NPFFR1: variants seen among roughly 807,000 people sequenced by gnomAD.
NPFFR1 encodes G-protein coupled receptor 147.
In NPFFR1, 17 loss-of-function variants were observed where a neutral mutation model predicts 12.7. The ratio of observed to expected loss-of-function variants is 1.34; its 90% confidence interval spans 0.92 to 2.01. The LOEUF is 2.01. Ranked by LOEUF, NPFFR1 falls within the 30% of genes most tolerant of loss-of-function variation. The probability of loss-of-function intolerance (pLI) is 0.00; values close to 1 mark genes in which losing one functional copy is unlikely to be tolerated. For synonymous variants in NPFFR1, 296 were observed against 264.5 expected (o/e 1.12, Z -1.16); for missense variants, 604 against 606.5 (o/e 1.00, Z 0.04).
At chr10:70,282,520 A>G (rs1840874065) in intron 1 of NPFFR1, among the ~76,000 whole-genome samples, 2 of 152,150 alleles carry the variant, frequency 1.3e-5, no homozygotes, top group South Asian at 4.1e-4. Flanking sequence ...GTGCAGCCTC[A>G]CAAGATTTTC....
At chr10:70,276,524 G>A (rs1296536784) in intron 1 of NPFFR1, among the ~76,000 whole-genome samples, 25 of 151,246 alleles carry the variant, frequency 1.7e-4, no homozygotes, top group Admixed American at 7.9e-4. Context: ...AGTTATTAAC[G>A]AGAGAGCTAC....
rs1272203266 is a variant in NPFFR1 at position 70,248,478 on chromosome 10, GTTTTTTGTTTT to G, written c.*6468_*6478del. The stretch of plus-strand genomic sequence containing the variant: ...GTACTATGCCTGGCGTTTTTTTTTT[GTTTTTTGTTTT>G]TTTTTTTTTTTTTTGAGATGGAGTC... On this transcript the variant is annotated 3_prime_UTR_variant, in exon 4 of 4. Coordinates refer to ENST00000277942, the MANE Select transcript of NPFFR1 (RefSeq NM_022146.5). The G allele has an allele frequency of 5.4e-4, 33 of 60,608 alleles. No homozygotes were observed. The highest frequency in any genetic ancestry group is 1.7e-3 in the African/African-American group (30 of 18,026). 3.8% of individuals were successfully genotyped at this position (60,608 alleles called of 1,614,324 possible).
At chr10:70,277,107 A>T (rs531040339) in intron 1 of NPFFR1, among the ~76,000 whole-genome samples, 51 of 152,244 alleles carry the variant, frequency 3.3e-4, no homozygotes, top group Non-Finnish European at 6.3e-4. Context: ...ACAGATTGTC[A>T]TCAGACAGAT....
rs1490564029 is a variant in NPFFR1, at chr10:70,248,640, C to T, written c.*6317G>A. 6.6e-6 allele frequency: 1 copy of T among 151,872 alleles called. No homozygotes were observed. The highest frequency in any genetic ancestry group is 6.6e-5 in the Admixed American group (1 of 15,238). The allele number at this position is 151,872 out of a possible 1,614,324, so 9.4% of individuals were successfully genotyped here. A position where few individuals can be genotyped will look rare whatever the true frequency, so the allele number is the denominator to read the frequency against. ...AGCTGGGATTACAGGTGCCTGCCAT[C>T]ATGCTTGGCTAATTTTTGTATTTTT... On this transcript the variant is annotated 3_prime_UTR_variant, in exon 4 of 4. Transcript: ENST00000277942.
At position 70,255,910 on chromosome 10, in the gene NPFFR1, G is replaced by A; in HGVS notation, c.423-83C>T. The A allele has an allele frequency of 2.8e-6, 4 of 1,425,430 alleles. No individual in the cohort carries two copies. Among genetic ancestry groups the A allele is most frequent in the Non-Finnish European group, 3.8e-6 (4 of 1,053,790 alleles). 88.3% of individuals were successfully genotyped at this position (1,425,430 alleles called of 1,614,324 possible). On this transcript the variant is annotated intron_variant, in intron 3 of 3. Coordinates refer to ENST00000277942, the MANE Select transcript of NPFFR1 (RefSeq NM_022146.5). The surrounding 1 kb of genome is among the most constrained non-coding windows in gnomAD (Gnocchi z 4.2). ...GACGGTGGGTGGGATGCGGGCACCT[G>A]ACCTTCATCATCGCATCTAGGGCGG...
chr10:70,270,937 G>A (rs766961848), intron 1 of NPFFR1, among the ~76,000 whole-genome samples: 2 of 152,088 alleles, frequency 1.3e-5, no homozygotes, highest in African/African-American at 2.4e-5. Context: ...GAGGGGTCCC[G>A]ACCAGCAGTG....
At chr10:70,267,786 T>C (rs1031684786) in intron 1 of NPFFR1, among the ~76,000 whole-genome samples, 1 of 152,192 alleles carries the variant, frequency 6.6e-6, no homozygotes, top group Non-Finnish European at 1.5e-5. Flanking sequence ...GCTGGGGGCC[T>C]GGAGGTTAGA....
chr10:70,263,130 G>A (rs752683185), intron 2 of NPFFR1, among the ~76,000 whole-genome samples: 6 of 151,978 alleles, frequency 3.9e-5, no homozygotes, highest in South Asian at 2.1e-4. Context: ...TCTCACCACC[G>A]CACTCCAGCC....
chr10:70,261,798 T>TTTGTTTTGTC (rs1840638707), intron 2 of NPFFR1, among the ~76,000 whole-genome samples: 1 of 152,194 alleles, frequency 6.6e-6, no homozygotes, highest in African/African-American at 2.4e-5. Context: ...TTTGTTTTGT[T>TTTGTTTTGTC]TGAGATAGGG....
intron 1 of NPFFR1, among the ~76,000 whole-genome samples, chr10:70,267,851 G>C (rs1397002277): frequency 6.6e-6 from 1 of 152,224 alleles, no homozygotes; most frequent in Non-Finnish European, 1.5e-5. Context: ...GCAGGGACCA[G>C]CAGGGGGCAC....
chr10:70,255,284 G>T lies in NPFFR1; in HGVS notation c.966C>A (p.Ser322Arg). ...AGCCGTAGATGATGGGGTTGGCGCT[G>T]CTGTTGAAGAAGGCCAGCCAGTGCG... ...PFAHWLAFFNSSANPIIYGYF... is the reference protein window; with the variant it reads ...PFAHWLAFFNRSANPIIYGYF... Residue 322 changes from serine (S) to arginine (R), a missense_variant, in exon 4 of 4, where the codon AGC (serine) becomes AGA (arginine). Physicochemically the swap from Ser to Arg is moderately radical, Grantham distance 110. Transcript: ENST00000277942. This position sits in a 1 kb window ranked among gnomAD's most constrained non-coding sequence, Gnocchi z 4.2. 1 of 1,580,466 alleles carries T rather than the reference G, an allele frequency of 6.3e-7. No homozygotes were observed.
intron 3 of NPFFR1, among the ~76,000 whole-genome samples, chr10:70,259,642 A>G (rs968489126): frequency 1.3e-5 from 2 of 152,158 alleles, no homozygotes; most frequent in African/African-American, 4.8e-5. Flanking sequence ...TGAGGTGGAG[A>G]GAGGATGTGA....
At chr10:70,258,113 C>T (rs1840594015) in intron 3 of NPFFR1, among the ~76,000 whole-genome samples, 1 of 152,176 alleles carries the variant, frequency 6.6e-6, no homozygotes, top group South Asian at 2.1e-4. Context: ...CACCTGGGCC[C>T]ACTGTTGTTT....
At position 70,266,402 on chromosome 10, in the gene NPFFR1, A is replaced by G. The variant is rs1275474243; in HGVS notation, c.8-11T>C. ...GCTGGGAGGGCTCCCCTAGGACCAA[A>G]GGAATATATTGGTCAGGACCTTAGG... On this transcript the variant is annotated splice_polypyrimidine_tract_variant and intron_variant, in intron 1 of 3. Coordinates refer to ENST00000277942, the MANE Select transcript of NPFFR1 (RefSeq NM_022146.5). The G allele has an allele frequency of 1.2e-6, 2 of 1,602,174 alleles. No homozygotes were observed. Among genetic ancestry groups the G allele is most frequent in the Non-Finnish European group, 1.7e-6 (2 of 1,172,548 alleles).
At chr10:70,261,191 T>C (rs1840629785) in intron 2 of NPFFR1, among the ~76,000 whole-genome samples, 1 of 152,168 alleles carries the variant, frequency 6.6e-6, no homozygotes, top group Admixed American at 6.5e-5. Flanking sequence ...TCCTCCATGC[T>C]ATTCTTGTGA....
chr10:70,279,546 AC>A (rs1250334840), intron 1 of NPFFR1, among the ~76,000 whole-genome samples: 2 of 149,900 alleles, frequency 1.3e-5, no homozygotes, highest in South Asian at 2.1e-4. Flanking sequence ...TGCAACCTCC[AC>A]CCCCTGGGCT....
intron 2 of NPFFR1, among the ~76,000 whole-genome samples, chr10:70,262,607 C>T (rs1448883141): frequency 1.3e-5 from 2 of 152,118 alleles, no homozygotes; most frequent in Non-Finnish European, 2.9e-5. Flanking sequence ...TAGATAAATA[C>T]AGCTAGATTT....
rs1184154376 is a variant in NPFFR1 at position 70,255,443 on chromosome 10, C to T, written c.807G>A (p.Val269=). The change falls in exon 4 of 4, where the codon GTG becomes GTA. Residue 269 remains valine (V), a synonymous_variant. Coordinates refer to ENST00000277942, the MANE Select transcript of NPFFR1 (RefSeq NM_022146.5). The surrounding 1 kb of genome is among the most constrained non-coding windows in gnomAD (Gnocchi z 4.2). ...ACAGCGCCACCATGACCAGCATGTG[C>T]ACCACGCGCGCTCTGCGCCGCGATG... The part of the protein sequence containing the change: ...PRASRRRARV[V]HMLVMVALFF... 1 of 1,547,992 alleles carries T rather than the reference C, an allele frequency of 6.5e-7. No individual in the cohort carries two copies. The highest frequency in any genetic ancestry group is 2.4e-5 in the East Asian group (1 of 40,884).
Position 70,249,039 on chromosome 10 carries a change from A to C in NPFFR1, c.*5918T>G, listed in dbSNP as rs1840483250. ...AGAGGCCATTCCTAACCATCTGTTC[A>C]AATAGCCCTCCTACTTCTATCACAC... On this transcript the variant is annotated 3_prime_UTR_variant, in exon 4 of 4. Transcript: ENST00000277942. The C allele has an allele frequency of 6.6e-6, 1 of 152,128 alleles. No individual in the cohort carries two copies. The highest frequency in any genetic ancestry group is 2.1e-4 in the South Asian group (1 of 4,828). 9.4% of individuals were successfully genotyped at this position (152,128 alleles called of 1,614,324 possible). A position where few individuals can be genotyped will look rare whatever the true frequency, so the allele number is the denominator to read the frequency against.
Sources: gnomAD v4.1 joint callset for allele counts (sites outside exome capture counted in the v4.1 genomes callset) on GRCh38, gnomAD v4.1.1 for gene constraint, Gnocchi (gnomAD v3.1) non-coding constraint, MANE v1.5 for transcripts, NCBI Gene and HGNC (gene_info 2026-07-23, HGNC 2026-07-21) for gene names.